Variants in CSAG1 observed in about 807,000 individuals in gnomAD.
CSAG1 encodes chondrosarcoma associated gene 1.
A neutral mutation model predicts 4.8 loss-of-function variants in CSAG1; 4 were observed. The observed-to-expected ratio is 0.83, with a 90% CI of 0.41 to 1.90. CSAG1 has a LOEUF of 1.90. Ranked by LOEUF, CSAG1 falls within the 40% of genes most tolerant of loss-of-function variation. The pLI is 0.03. For missense variants in CSAG1, 69 were observed against 59.5 expected, an observed-to-expected ratio of 1.16 and a Z score of -0.53; for synonymous variants, 21 against 23.1, an observed-to-expected ratio of 0.91 and a Z score of 0.26.
intron 2 of CSAG1, among the ~76,000 whole-genome samples, chrX:152,731,191 C>T (rs1932148238): frequency 9.0e-6 from 1 of 111,499 alleles, no homozygotes; most frequent in Non-Finnish European, 1.9e-5. Context: ...TGTTCATGCT[C>T]GGTATCAAGT....
In CSAG1 at chrX:152,727,768, T is replaced by C. The variant is rs2124962266; in HGVS notation, c.*26A>G. On this transcript the variant is annotated 3_prime_UTR_variant, in exon 4 of 4. Coordinates refer to ENST00000452779, the MANE Select transcript of CSAG1 (RefSeq NM_001102576.3). ...GGATAGTGTTGGCCCACTCCATTCC[T>C]CAGGTTTTTTTGAAGCGGTGGTCTT... is the stretch of plus-strand genomic sequence containing the variant. 1 of 1,206,303 alleles carries C rather than the reference T, an allele frequency of 8.3e-7. No homozygotes were observed. Among genetic ancestry groups the C allele is most frequent in the South Asian group, 1.8e-5 (1 of 56,815 alleles).
chrX:152,729,022 G>C (rs1556831241), intron 2 of CSAG1, among the ~76,000 whole-genome samples: 1 of 109,955 alleles, frequency 9.1e-6, no homozygotes, highest in Admixed American at 9.7e-5. Context: ...ATAAGCATTA[G>C]CAAAGAATAG....
At chrX:152,733,399 T>A (rs1477863041) in intron 1 of CSAG1, among the ~76,000 whole-genome samples, 1 of 111,867 alleles carries the variant, frequency 8.9e-6, no homozygotes, top group African/African-American at 3.3e-5. Flanking sequence ...TTGTCAGCCC[T>A]GGTAAACTTA....
intron 2 of CSAG1, among the ~76,000 whole-genome samples, chrX:152,730,676 G>C (rs1556228560): frequency 8.9e-6 from 1 of 112,309 alleles, no homozygotes; most frequent in Non-Finnish European, 1.9e-5. Flanking sequence ...CACTATTTTT[G>C]TTATGGAAGC....
At chrX:152,730,011 C>CATATATATATATATATAT (rs60344977) in intron 2 of CSAG1, among the ~76,000 whole-genome samples, 4 of 77,892 alleles carry the variant, frequency 5.1e-5, no homozygotes, top group Non-Finnish European at 9.6e-5. Flanking sequence ...TATATATATA[C>CATATATATATATATATAT]ACACATACAC....
Position 152,727,787 on chromosome X carries a change from T to C in CSAG1, c.*7A>G, listed in dbSNP as rs2471768. 2,948 of 1,207,646 alleles carry C rather than the reference T, an allele frequency of 2.4e-3. 39 individuals carry two copies. In the African/African-American group the frequency reaches 0.041, roughly 17 times the overall value. ...CATTCCTCAGGTTTTTTTGAAGCGG[T>C]GGTCTTTTAGGGAGAGCCTTTTGTT... On this transcript the variant is annotated 3_prime_UTR_variant, in exon 4 of 4. Coordinates refer to ENST00000452779, the MANE Select transcript of CSAG1 (RefSeq NM_001102576.3).
chrX:152,729,435 C>T (rs1932104325), intron 2 of CSAG1, among the ~76,000 whole-genome samples: 1 of 111,901 alleles, frequency 8.9e-6, no homozygotes, highest in African/African-American at 3.3e-5. Flanking sequence ...AAAACAGAAG[C>T]CACAGACTAG....
At chrX:152,728,455 CA>C (rs1227678602) in intron 2 of CSAG1, among the ~76,000 whole-genome samples, 2 of 112,171 alleles carry the variant, frequency 1.8e-5, no homozygotes, top group African/African-American at 6.5e-5. Flanking sequence ...ATAGCCTAGA[CA>C]AGTTGACACA....
In CSAG1 at chrX:152,732,159, A is replaced by C. The variant is rs782577856; in HGVS notation, c.16+286T>G. Among the ~76,000 whole-genome samples, 5 of 112,792 alleles carry C rather than the reference A, an allele frequency of 4.4e-5. No homozygotes were observed. In the South Asian group the frequency reaches 1.8e-3, roughly 41 times the overall value. On this transcript the variant is annotated intron_variant, in intron 2 of 3. Coordinates refer to ENST00000452779, the MANE Select transcript of CSAG1 (RefSeq NM_001102576.3). ...GCCTTCAGAATGAGGTGTGCAACAG[A>C]TTACTACAGCAAAATCAAAATCTTC...
At chrX:152,732,370 C>T (rs1490283486) in intron 2 of CSAG1, 75 bp downstream of exon 2, 1 of 1,138,690 alleles carries the variant, frequency 8.8e-7, no homozygotes, top group Non-Finnish European at 1.2e-6. Flanking sequence ...AGGAGTATAA[C>T]ATATTCATTC....
chrX:152,731,269 T>C (rs1470862828), intron 2 of CSAG1, among the ~76,000 whole-genome samples: 1 of 112,104 alleles, frequency 8.9e-6, no homozygotes, highest in African/African-American at 3.2e-5. Flanking sequence ...TAAAACGTTT[T>C]TTATCACAAA....
chrX:152,729,502 G>A (rs782485408), intron 2 of CSAG1, among the ~76,000 whole-genome samples: 1 of 112,072 alleles, frequency 8.9e-6, no homozygotes, highest in South Asian at 3.7e-4. Flanking sequence ...CAATATATGC[G>A]AATTCTTAAA....
In CSAG1 at chrX:152,727,746, T is replaced by C. The variant is rs2124962206; in HGVS notation, c.*48A>G. The stretch of plus-strand genomic sequence containing the variant: ...CGTTCGGCTGGTCAGAGTGGCTGGA[T>C]AGTGTTGGCCCACTCCATTCCTCAG... On this transcript the variant is annotated 3_prime_UTR_variant, in exon 4 of 4. Transcript: ENST00000452779. The C allele has an allele frequency of 8.4e-7, 1 of 1,184,186 alleles. No individual in the cohort carries two copies. The highest frequency in any genetic ancestry group is 3.0e-5 in the East Asian group (1 of 33,680).
intron 2 of CSAG1, among the ~76,000 whole-genome samples, chrX:152,730,468 T>C (rs782319006): frequency 5.4e-5 from 6 of 111,339 alleles, no homozygotes; most frequent in African/African-American, 2.0e-4. Context: ...ATGAATGGGA[T>C]CAGTGTTTTT....
chrX:152,728,916 G>A (rs1278655118), intron 2 of CSAG1, among the ~76,000 whole-genome samples: 4 of 111,737 alleles, frequency 3.6e-5, no homozygotes, highest in Non-Finnish European at 7.5e-5. Context: ...CCACCCTTAT[G>A]ACCTCTTTTA....
chrX:152,731,058 G>A (rs1337540465), intron 2 of CSAG1, among the ~76,000 whole-genome samples: 1 of 112,316 alleles, frequency 8.9e-6, no homozygotes, highest in Non-Finnish European at 1.9e-5. Flanking sequence ...CCTTTAAAAT[G>A]CATGTTAAAT....
intron 3 of CSAG1, 97 bp from the exon 4 acceptor site, chrX:152,727,960 C>T: frequency 8.3e-7 from 1 of 1,199,446 alleles, no homozygotes; most frequent in Non-Finnish European, 1.1e-6. Context: ...ATGGTACAGG[C>T]TGGGGTGGGG....
At chrX:152,731,134 G>A (rs1410400192) in intron 2 of CSAG1, among the ~76,000 whole-genome samples, 2 of 111,918 alleles carry the variant, frequency 1.8e-5, no homozygotes, top group Non-Finnish European at 3.8e-5. Flanking sequence ...CTCATATGCA[G>A]GTAGGCAAGT....
chrX:152,731,983 G>A (rs1290777474), intron 2 of CSAG1, among the ~76,000 whole-genome samples: 3 of 112,204 alleles, frequency 2.7e-5, no homozygotes, highest in East Asian at 2.8e-4. Flanking sequence ...TTATCTCTAC[G>A]TTTGAAATCA....
Sources: gnomAD v4.1 joint callset for allele counts (sites outside exome capture counted in the v4.1 genomes callset) on GRCh38, gnomAD v4.1.1 for gene constraint, MANE v1.5 for transcripts, NCBI Gene and HGNC (gene_info 2026-07-23, HGNC 2026-07-21) for gene names.